The following MCF2L variants were observed in gnomAD, a reference collection of about 807,000 sequenced individuals.
MCF2L encodes MCF.2 cell line derived transforming sequence like, also known as guanine nucleotide exchange factor DBS.
A neutral mutation model predicts 153.4 loss-of-function variants in MCF2L; 97 were observed. That is an observed-to-expected ratio of 0.63 (90% CI 0.54 to 0.75). The LOEUF (loss-of-function observed/expected upper bound fraction) is 0.75, where lower values mean the gene tolerates loss of function less well. MCF2L is among the 30% of genes least tolerant of loss of function. The probability of loss-of-function intolerance (pLI) is 0.00; values close to 1 mark genes in which losing one functional copy is unlikely to be tolerated. For missense variants in MCF2L, 1,347 were observed against 1,495.2 expected, an observed-to-expected ratio of 0.90 and a Z score of 1.64; for synonymous variants, 659 against 632.2, an observed-to-expected ratio of 1.04 and a Z score of -0.64.
intron 1 of MCF2L, among the ~76,000 whole-genome samples, chr13:112,973,863 T>A (rs549871172): frequency 6.6e-6 from 1 of 152,136 alleles, no homozygotes; most frequent in African/African-American, 2.4e-5. Flanking sequence ...GCCTGCGAGG[T>A]GTGTTCCGAG....
At chr13:113,091,328 G>A (rs543743509) in intron 26 of MCF2L, 47 of 702,190 alleles carry the variant, frequency 6.7e-5, no homozygotes, top group South Asian at 1.5e-4. Flanking sequence ...AGGCAGACAC[G>A]CGGTTGTGTT....
In MCF2L at chr13:113,027,795, G is replaced by A. The variant is rs1205188078; in HGVS notation, c.278+3037G>A. Among the ~76,000 whole-genome samples, 3 of 152,210 alleles carry A rather than the reference G, an allele frequency of 2.0e-5. No individual in the cohort carries two copies. Among genetic ancestry groups the A allele is most frequent in the Non-Finnish European group, 2.9e-5 (2 of 68,020 alleles). On this transcript the variant is annotated intron_variant, in intron 3 of 29. Transcript: ENST00000535094. The surrounding 1 kb of genome is among the most constrained non-coding windows in gnomAD (Gnocchi z 4.8). Reference sequence around the variant, plus strand: ...AGGCTTAATAACACGGTGATGGCTGGAGAAAGGGGATGGCTGGGCAGGGGA... The same window carrying A: ...AGGCTTAATAACACGGTGATGGCTGAAGAAAGGGGATGGCTGGGCAGGGGA...
At chr13:113,059,357 G>T (rs6577026) in intron 4 of MCF2L, among the ~76,000 whole-genome samples, 115,463 of 152,198 alleles carry the variant, frequency 0.76, 44,214 homozygotes, top group Middle Eastern at 0.81. Context: ...TTGGAGTGTG[G>T]CTGGGGCAGT....
chr13:113,095,917 T>TA (rs1037484994), intron 27 of MCF2L: 8 of 557,630 alleles, frequency 1.4e-5, no homozygotes, highest in Non-Finnish European at 2.0e-5. Context: ...CCTCCACTCT[T>TA]ACAGTGAGGA....
At chr13:112,974,210 A>G (rs1331250431) in intron 1 of MCF2L, among the ~76,000 whole-genome samples, 1 of 152,138 alleles carries the variant, frequency 6.6e-6, no homozygotes, top group East Asian at 1.9e-4. Flanking sequence ...CACCTTCTAT[A>G]GTGGTGCAAA....
At chr13:113,092,993 C>G (rs1305448513) in intron 26 of MCF2L, among the ~76,000 whole-genome samples, 1 of 152,270 alleles carries the variant, frequency 6.6e-6, no homozygotes, top group African/African-American at 2.4e-5. Context: ...CCACGCCACA[C>G]CAGCTCCTGT....
In MCF2L at chr13:112,897,529, G is replaced by C. The variant is rs144432028; in HGVS notation, c.-5+3098G>C. ...GAGCTGGGAAGCTGTGGGACGTCCC[G>C]GATGAAATGTAGGATGTAAGTCCCT... On this transcript the variant is annotated intron_variant, in intron 1 of 29. Transcript: ENST00000375608. Among the ~76,000 whole-genome samples the C allele has an allele frequency of 3.0e-3, 457 of 152,326 alleles. 2 individuals carry two copies. The highest frequency in any genetic ancestry group is 0.01 in the African/African-American group (431 of 41,576).
At chr13:113,008,871 G>A (rs2141126543) in intron 1 of MCF2L, 1 of 152,380 alleles carries the variant, frequency 6.6e-6, no homozygotes, top group Admixed American at 6.5e-5. Flanking sequence ...CTGAGGACAC[G>A]CTCCAGGGGA....
intron 2 of MCF2L, among the ~76,000 whole-genome samples, chr13:113,024,354 A>AG (rs1194436898): frequency 2.0e-5 from 3 of 152,092 alleles, no homozygotes; most frequent in East Asian, 3.8e-4. Context: ...AACAAGGTTA[A>AG]AAAAGCCCAT....
intron 2 of MCF2L, among the ~76,000 whole-genome samples, chr13:112,959,999 C>T (rs554666254): frequency 1.3e-5 from 2 of 152,352 alleles, no homozygotes; most frequent in Admixed American, 1.3e-4. Flanking sequence ...TCTGTTCTCA[C>T]GCGTCGGGCT....
chr13:113,007,019 C>G (rs2083749784), intron 1 of MCF2L, among the ~76,000 whole-genome samples: 1 of 152,146 alleles, frequency 6.6e-6, no homozygotes, highest in South Asian at 2.1e-4. Flanking sequence ...AACCTGCGTC[C>G]CTCATCCTGA....
chr13:112,905,934 T>G (rs1206169575), intron 2 of MCF2L, among the ~76,000 whole-genome samples: 1 of 152,228 alleles, frequency 6.6e-6, no homozygotes, highest in Non-Finnish European at 1.5e-5. Context: ...AGTATTTATT[T>G]TGAAACCATG....
Position 113,006,108 on chromosome 13 carries a change from T to A in MCF2L, c.80-8655T>A, listed in dbSNP as rs757334867. Among the ~76,000 whole-genome samples the A allele has an allele frequency of 2.6e-4, 39 of 152,158 alleles. 1 individual carries two copies. Among genetic ancestry groups the A allele is most frequent in the Admixed American group, 4.6e-4 (7 of 15,272 alleles). ...CCTTCCTGCCCACAAGCCTGCCCTG[T>A]CCCAGCCACTGGGGTCTCACTCACC... is the stretch of plus-strand genomic sequence containing the variant. On this transcript the variant is annotated intron_variant, in intron 1 of 29. Transcript: ENST00000535094.
At chr13:112,994,818 C>T (rs916149418) in intron 1 of MCF2L, among the ~76,000 whole-genome samples, 12 of 152,346 alleles carry the variant, frequency 7.9e-5, no homozygotes, top group South Asian at 6.2e-4. Flanking sequence ...GGAAAGGCCA[C>T]CGAGGTTGGG....
At chr13:112,930,551 A>G (rs1415246555) in intron 2 of MCF2L, among the ~76,000 whole-genome samples, 2 of 152,198 alleles carry the variant, frequency 1.3e-5, no homozygotes, top group East Asian at 1.9e-4. Context: ...GAGTAGGTGG[A>G]GCTCTGGGGA....
At position 113,045,277 on chromosome 13, in the gene MCF2L, G is replaced by C; in HGVS notation, c.285G>C (p.Gln95His). ...MTYLTSIPSL[Q>H]DAGIGFILVI... ...CGTCTCTTCCTCACTGCAGCCTGCA[G>C]GACGCTGGCATCGGATTCATCCTGG... The change falls in exon 4 of 30, where the codon CAG (glutamine) becomes CAC (histidine). Residue 95 changes from glutamine (Q) to histidine (H), a missense_variant. By Grantham distance (24) the Gln-to-His change is conservative. Coordinates refer to ENST00000535094, the MANE Select transcript of MCF2L (RefSeq NM_001112732.3). This position sits in a 1 kb window ranked among gnomAD's most constrained non-coding sequence, Gnocchi z 4.2. 1 of 1,613,276 alleles carries C rather than the reference G, an allele frequency of 6.2e-7. No homozygotes were observed. Among genetic ancestry groups the C allele is most frequent in the Non-Finnish European group, 8.5e-7 (1 of 1,179,386 alleles).
chr13:113,073,414 C>T (rs1327926139), intron 9 of MCF2L, among the ~76,000 whole-genome samples: 29 of 152,166 alleles, frequency 1.9e-4, no homozygotes. Context: ...CTGTGCGTAA[C>T]ATGGAGAGAA....
At chr13:113,011,956 G>GA (rs2084159625) in intron 1 of MCF2L, among the ~76,000 whole-genome samples, 1 of 117,880 alleles carries the variant, frequency 8.5e-6, no homozygotes, top group African/African-American at 3.0e-5. Context: ...GACAGGCGGT[G>GA]TGGACGGTGG....
At chr13:113,096,748 C>T in intron 29 of MCF2L, 26 bp from the exon 30 acceptor site, 3 of 1,558,390 alleles carry the variant, frequency 1.9e-6, no homozygotes, top group Non-Finnish European at 2.6e-6. Flanking sequence ...GACGCCGAAG[C>T]CCGTCCCCGC....
Sources: gnomAD v4.1 joint callset for allele counts (sites outside exome capture counted in the v4.1 genomes callset) on GRCh38, gnomAD v4.1.1 for gene constraint, Gnocchi (gnomAD v3.1) non-coding constraint, MANE v1.5 for transcripts, NCBI Gene and HGNC (gene_info 2026-07-23, HGNC 2026-07-21) for gene names.